The following SLC38A10 variants were observed in gnomAD, a reference collection of about 807,000 sequenced individuals.
The protein encoded by SLC38A10 is solute carrier family 38 member 10.
Under a neutral mutation model 81.0 loss-of-function variants are expected in SLC38A10, and 53 were observed. That is an observed-to-expected ratio of 0.65 (90% CI 0.53 to 0.82). The LOEUF (loss-of-function observed/expected upper bound fraction) is 0.82. Among genes scored for constraint, SLC38A10 ranks in the 40% least tolerant of loss-of-function variants. The probability of loss-of-function intolerance (pLI) is 0.00; values close to 1 mark genes in which losing one functional copy is unlikely to be tolerated. For missense variants in SLC38A10, 1,471 were observed against 1,545.0 expected, an observed-to-expected ratio of 0.95 and a Z score of 0.80; for synonymous variants, 665 against 655.3, an observed-to-expected ratio of 1.01 and a Z score of -0.23.
chr17:81,267,935 G>C (rs1028080493), intron 10 of SLC38A10, among the ~76,000 whole-genome samples: 3 of 151,654 alleles, frequency 2.0e-5, no homozygotes, highest in African/African-American at 7.3e-5. Context: ...CACTCACAGG[G>C]CTGGGCACCG....
Position 81,276,081 on chromosome 17 carries a change from T to C in SLC38A10, c.800A>G (p.Asn267Ser), listed in dbSNP as rs764583603. The C allele has an allele frequency of 3.7e-6, 6 of 1,613,750 alleles. No individual in the cohort carries two copies. Among genetic ancestry groups the C allele is most frequent in the African/African-American group, 2.7e-5 (2 of 74,912 alleles). ...CACACGGAGCATCTCCGTCACCAGG[T>C]TGGAGGGAAAGTGCATGAGCACGTT... ...AGNVLMHFPS[N>S]LVTEMLRVGF... The change falls in exon 8 of 16, where the codon AAC becomes AGC. Residue 267 changes from asparagine to serine, a missense_variant. Asn to Ser is a conservative substitution (Grantham distance 46, BLOSUM62 1). Transcript: ENST00000374759. This position sits in a 1 kb window ranked among gnomAD's most constrained non-coding sequence, Gnocchi z 4.7.
At position 81,276,970 on chromosome 17, in the gene SLC38A10, G is replaced by T; in HGVS notation, c.729+61C>A. ...GCCATGCCTGTGGCAGTCCCACGGG[G>T]CACCACGGCACATCATGCTGGCATG... On this transcript the variant is annotated intron_variant, in intron 7 of 15. Coordinates refer to ENST00000374759, the MANE Select transcript of SLC38A10 (RefSeq NM_001037984.3). This position sits in a 1 kb window ranked among gnomAD's most constrained non-coding sequence, Gnocchi z 4.7. 6.6e-7 allele frequency: 1 copy of T among 1,521,792 alleles called. No individual in the cohort carries two copies. Among genetic ancestry groups the T allele is most frequent in the Non-Finnish European group, 9.1e-7 (1 of 1,097,720 alleles). 94.3% of individuals were successfully genotyped at this position (1,521,792 alleles called of 1,614,324 possible).
intron 11 of SLC38A10, 143 bp downstream of exon 11, chr17:81,260,095 G>A (rs545522251): frequency 1.9e-6 from 2 of 1,025,968 alleles, no homozygotes; most frequent in Non-Finnish European, 2.8e-6. Flanking sequence ...TGTTCACAGG[G>A]GAGGCTGGTG....
intron 11 of SLC38A10, among the ~76,000 whole-genome samples, chr17:81,255,271 A>G (rs904454749): frequency 3.9e-5 from 6 of 152,284 alleles, no homozygotes; most frequent in African/African-American, 7.2e-5. Flanking sequence ...CACAGCCTTC[A>G]TGCCCGGCGC....
chr17:81,268,013 G>A (rs2063084048), intron 10 of SLC38A10, among the ~76,000 whole-genome samples: 1 of 151,200 alleles, frequency 6.6e-6, no homozygotes, highest in Admixed American at 6.6e-5. Context: ...GGAGAAGGAC[G>A]CCACTCCACA....
chr17:81,251,712 C>T, intron 13 of SLC38A10, 100 bp from the exon 14 acceptor site: 2 of 1,305,342 alleles, frequency 1.5e-6, no homozygotes, highest in Non-Finnish European at 2.0e-6. Flanking sequence ...AAGGAAGTGG[C>T]AGATGTTTCT....
Position 81,245,922 on chromosome 17 carries a change from G to C in SLC38A10, c.2994C>G (p.His998Gln), listed in dbSNP as rs201044577. The change falls in exon 16 of 16, where the codon CAC becomes CAG. Residue 998 changes from histidine to glutamine, a missense_variant. His to Gln is a conservative substitution (Grantham distance 24). Around this residue, in one of 2 missense-constraint regions of SLC38A10, gnomAD observed 751 missense variants for 717.4 expected, o/e 1.05. Coordinates refer to ENST00000374759, the MANE Select transcript of SLC38A10 (RefSeq NM_001037984.3). The stretch of plus-strand genomic sequence containing the variant: ...CGTCCTCCCCGCCTCTCGGCTGCTC[G>C]TGGGACACAGGCACATGGTCCCCCC... Reference protein sequence around the residue: ...ARGGDHVPVSHEQPRGGEDAA... With the variant: ...ARGGDHVPVSQEQPRGGEDAA... 1 of 1,611,084 alleles carries C rather than the reference G, an allele frequency of 6.2e-7. No individual in the cohort carries two copies. The highest frequency in any genetic ancestry group is 8.5e-7 in the Non-Finnish European group (1 of 1,178,824).
chr17:81,293,661 C>T (rs1472136954), intron 1 of SLC38A10, among the ~76,000 whole-genome samples: 4 of 151,802 alleles, frequency 2.6e-5, no homozygotes, highest in Non-Finnish European at 2.9e-5. Flanking sequence ...TTTGTAGAGA[C>T]GGGGTCTTAC....
Position 81,282,229 on chromosome 17 carries a change from C to A in SLC38A10, c.461G>T (p.Ser154Ile), listed in dbSNP as rs753990372. 6.2e-7 allele frequency: 1 copy of A among 1,613,716 alleles called. No homozygotes were observed. The highest frequency in any genetic ancestry group is 1.7e-5 in the Admixed American group (1 of 60,026). The change falls in exon 5 of 16, where the codon AGC becomes ATC. Residue 154 changes from serine (S) to isoleucine (I), a missense_variant. Coordinates refer to ENST00000374759, the MANE Select transcript of SLC38A10 (RefSeq NM_001037984.3). Reference sequence around the variant, plus strand: ...GGTGTAGAAGAGGAGGGCCATGGCGCTGAAGGACTGGATGGAGGCCATCAT... The same window carrying A: ...GGTGTAGAAGAGGAGGGCCATGGCGATGAAGGACTGGATGGAGGCCATCAT... Reference protein sequence around the residue: ...RNMMASIQSFSAMALLFYTVF... With the variant: ...RNMMASIQSFIAMALLFYTVF...
intron 10 of SLC38A10, among the ~76,000 whole-genome samples, chr17:81,266,747 A>G (rs554639948): frequency 6.6e-6 from 1 of 152,350 alleles, no homozygotes; most frequent in South Asian, 2.1e-4. Context: ...TGAGGTCTGG[A>G]TAAACCAAAT....
At chr17:81,254,066 C>T (rs780274775) in intron 11 of SLC38A10, among the ~76,000 whole-genome samples, 4 of 151,736 alleles carry the variant, frequency 2.6e-5, no homozygotes, top group Non-Finnish European at 5.9e-5. Context: ...CCATCATCGT[C>T]GTCACCTCCG....
At chr17:81,264,800 G>A (rs1412231258) in intron 10 of SLC38A10, 1 of 152,188 alleles carries the variant, frequency 6.6e-6, no homozygotes, top group Non-Finnish European at 1.5e-5. Context: ...GTCCTCTCTG[G>A]TTACAAGCAG....
Position 81,246,065 on chromosome 17 carries a change from G to A in SLC38A10, c.2851C>T (p.Gln951Ter). The A allele has an allele frequency of 6.2e-7, 1 of 1,609,362 alleles. No individual in the cohort carries two copies. The highest frequency in any genetic ancestry group is 2.2e-5 in the East Asian group (1 of 44,870). ...LPGGAEGAAA[Q>*]PQAVLRQPEL... ...GGCTGGCGTAACACAGCCTGGGGCT[G>A]TGCAGCTGCTCCTTCCGCCCCACCG... The change falls in exon 16 of 16, where the codon CAG (glutamine) becomes TAG (stop). Residue 951 changes from glutamine to a stop codon, truncating the protein, a stop_gained. Transcript: ENST00000374759. LOFTEE classifies it low-confidence loss of function (END_TRUNC).
In SLC38A10 at chr17:81,280,740, A is replaced by G. The variant is rs2063203978; in HGVS notation, c.502-7T>C. On this transcript the variant is annotated splice_polypyrimidine_tract_variant and splice_region_variant and intron_variant, in intron 5 of 15. Transcript: ENST00000374759. Reference sequence around the variant, plus strand: ...TGAGAGAGGAGAGCACGATCTGCAGAGGGAGAGGGGAGAGAGCACGGGGCA... The same window carrying G: ...TGAGAGAGGAGAGCACGATCTGCAGGGGGAGAGGGGAGAGAGCACGGGGCA... 3.1e-6 allele frequency: 5 copies of G among 1,610,346 alleles called. No homozygotes were observed. The highest frequency in any genetic ancestry group is 1.7e-4 in the Middle Eastern group (1 of 6,012).
In SLC38A10 at chr17:81,270,809, T is replaced by A; in HGVS notation, c.1131+109A>T. ...TCCCTTTTGTGGGTTTTAAGTTTCT[T>A]GATAGAACCCATCTGAAAACGCTGA... On this transcript the variant is annotated intron_variant, in intron 10 of 15. Transcript: ENST00000374759. The surrounding 1 kb of genome is among the most constrained non-coding windows in gnomAD (Gnocchi z 4.0). 1 of 889,398 alleles carries A rather than the reference T, an allele frequency of 1.1e-6. No individual in the cohort carries two copies. 55.1% of individuals were successfully genotyped at this position (889,398 alleles called of 1,614,324 possible).
Position 81,252,433 on chromosome 17 carries a change from C to A in SLC38A10, c.1707G>T (p.Glu569Asp), listed in dbSNP as rs2062926959. The A allele has an allele frequency of 1.2e-6, 2 of 1,613,228 alleles. No individual in the cohort carries two copies. The highest frequency in any genetic ancestry group is 1.3e-5 in the African/African-American group (1 of 74,954). ...KRPGQAQALE[E>D]AGDLPEDPQK... ...GGGGATCTTCAGGAAGATCACCCGC[C>A]TCCTCCAAGGCCTGGGCCTGTCCAG... The change falls in exon 13 of 16, where the codon GAG (glutamate) becomes GAT (aspartate). Residue 569 changes from glutamate (E) to aspartate (D), a missense_variant. By Grantham distance (45) the Glu-to-Asp change is conservative. Transcript: ENST00000374759.
chr17:81,272,440 G>A (rs67663282), intron 9 of SLC38A10, 76 bp downstream of exon 9: 25,081 of 892,292 alleles, frequency 0.028, 684 homozygotes, highest in African/African-American at 0.11. Context: ...TGCAGGTCTC[G>A]TAACTGTGCA....
Position 81,246,627 on chromosome 17 carries a change from C to T in SLC38A10, c.2289G>A (p.Glu763=). ...EPGAAVPRGQ[E]APEGKARETV... is the part of the protein sequence containing the mutation. ...TCTCCCTGGCCTTGCCTTCAGGGGC[C>T]TCCTGGCCTCTGGGCACCGCTGCCC... Residue 763 remains glutamate (E), a synonymous_variant, in exon 16 of 16, where the codon GAG becomes GAA. Coordinates refer to ENST00000374759, the MANE Select transcript of SLC38A10 (RefSeq NM_001037984.3). The T allele has an allele frequency of 6.6e-7, 1 of 1,514,906 alleles. No individual in the cohort carries two copies. Among genetic ancestry groups the T allele is most frequent in the Non-Finnish European group, 8.8e-7 (1 of 1,134,820 alleles). The allele number at this position is 1,514,906 out of a possible 1,614,324, so 93.8% of individuals were successfully genotyped here.
chr17:81,285,573 T>A (rs902733203), intron 2 of SLC38A10: 6 of 152,140 alleles, frequency 3.9e-5, no homozygotes, highest in African/African-American at 1.4e-4. Flanking sequence ...CTGCAGCAGA[T>A]GAGAAACGGC....
Sources: gnomAD v4.1 joint callset for allele counts (sites outside exome capture counted in the v4.1 genomes callset) on GRCh38, gnomAD v4.1.1 for gene constraint, gnomAD v4.1.1 regional missense constraint, Gnocchi (gnomAD v3.1) non-coding constraint, MANE v1.5 for transcripts, NCBI Gene and HGNC (gene_info 2026-07-23, HGNC 2026-07-21) for gene names.